APBB2: variants seen among roughly 807,000 people sequenced by gnomAD.
APBB2 encodes the protein Fe65-like 1.
In APBB2, 38 loss-of-function variants were observed where a neutral mutation model predicts 82.5. The ratio of observed to expected loss-of-function variants is 0.46; its 90% CI spans 0.36 to 0.60. The LOEUF (loss-of-function observed/expected upper bound fraction) is 0.60, where lower values mean the gene tolerates loss of function less well. Ranked by LOEUF, APBB2 falls within the 20% of genes least tolerant of loss-of-function variation. The pLI is 0.00. For missense variants in APBB2, 772 were observed against 972.3 expected (o/e 0.79, Z 2.74); for synonymous variants, 341 against 368.2 (o/e 0.93, Z 0.85).
At chr4:41,149,890 A>G (rs1215886080) in intron 1 of APBB2, among the ~76,000 whole-genome samples, 2 of 152,172 alleles carry the variant, frequency 1.3e-5, no homozygotes, top group African/African-American at 4.8e-5. Context: ...GACACCATGT[A>G]AGACGTGCCT....
chr4:40,816,990 C>A (rs1745944978), intron 17 of APBB2, among the ~76,000 whole-genome samples: 2 of 152,152 alleles, frequency 1.3e-5, no homozygotes, highest in Non-Finnish European at 1.5e-5. Context: ...AATTCCTGTT[C>A]TTCAGAAATA....
chr4:40,972,732 T>A (rs6825702), intron 6 of APBB2, among the ~76,000 whole-genome samples: 63,288 of 152,026 alleles, frequency 0.42, 13,652 homozygotes, highest in East Asian at 0.71. Context: ...AGTTACATTG[T>A]GTGTCATGAG....
intron 6 of APBB2, among the ~76,000 whole-genome samples, chr4:40,982,293 G>GAAAGAAAGAAAGAAAGAAA (rs1798917086): frequency 1.2e-4 from 4 of 32,352 alleles, no homozygotes; most frequent in African/African-American, 7.7e-4. Flanking sequence ...AAGGAAGGAA[G>GAAAGAAAGAAAGAAAGAAA]GAAGGAAGGA....
chr4:40,857,150 C>G, intron 12 of APBB2: 3 of 985,478 alleles, frequency 3.0e-6, no homozygotes, highest in Non-Finnish European at 3.6e-6. Flanking sequence ...GCCCCGGGCT[C>G]AAGTTGAAGA....
At chr4:41,054,244 C>T (rs1235387672) in intron 4 of APBB2, among the ~76,000 whole-genome samples, 2 of 152,210 alleles carry the variant, frequency 1.3e-5, no homozygotes, top group Non-Finnish European at 2.9e-5. Flanking sequence ...GCTCAGTTGT[C>T]AGGCTTTATA....
At chr4:40,881,695 G>A (rs1279033175) in intron 12 of APBB2, among the ~76,000 whole-genome samples, 1 of 151,476 alleles carries the variant, frequency 6.6e-6, no homozygotes, top group Non-Finnish European at 1.5e-5. Context: ...TATCACACCT[G>A]GCTAATTTTT....
At chr4:40,989,272 C>G (rs10032604) in intron 6 of APBB2, among the ~76,000 whole-genome samples, 140,077 of 152,156 alleles carry the variant, frequency 0.92, 65,315 homozygotes, top group Non-Finnish European at 1. Flanking sequence ...CAGAGAGAAT[C>G]GTTTTCCCCC....
intron 12 of APBB2, among the ~76,000 whole-genome samples, chr4:40,844,912 G>A (rs997953041): frequency 6.6e-6 from 1 of 152,178 alleles, no homozygotes; most frequent in Non-Finnish European, 1.5e-5. Context: ...TCTGTAGTGT[G>A]TGACAAAAAC....
At chr4:40,844,134 G>T (rs1034974185) in intron 12 of APBB2, among the ~76,000 whole-genome samples, 1 of 151,880 alleles carries the variant, frequency 6.6e-6, no homozygotes, top group Admixed American at 6.6e-5. Flanking sequence ...AGGATCTTTG[G>T]GCTGAAGAGG....
chr4:40,851,660 A>C (rs1577960395), intron 12 of APBB2, among the ~76,000 whole-genome samples: 2 of 149,970 alleles, frequency 1.3e-5, no homozygotes, highest in East Asian at 3.9e-4. Flanking sequence ...AGCTCAAGTC[A>C]CTCCTGCCCT....
intron 6 of APBB2, among the ~76,000 whole-genome samples, chr4:40,990,898 G>A (rs548864744): frequency 1.2e-4 from 19 of 152,094 alleles, no homozygotes; most frequent in Non-Finnish European, 2.6e-4. Flanking sequence ...GCTCTATGGA[G>A]GCAAATGGAG....
intron 6 of APBB2, among the ~76,000 whole-genome samples, chr4:40,947,414 T>A (rs543761899): frequency 1.8e-4 from 28 of 152,340 alleles, no homozygotes; most frequent in African/African-American, 6.5e-4. Flanking sequence ...GAAGAATAGC[T>A]ACATACATTA....
At chr4:40,916,988 T>C (rs1236127119) in intron 10 of APBB2, among the ~76,000 whole-genome samples, 1 of 152,200 alleles carries the variant, frequency 6.6e-6, no homozygotes, top group Non-Finnish European at 1.5e-5. Context: ...TGGGCTCTGC[T>C]GCACCGCAGA....
chr4:40,855,262 AAAGG>A (rs758010096), intron 12 of APBB2, among the ~76,000 whole-genome samples: 48 of 152,264 alleles, frequency 3.2e-4, no homozygotes, highest in Non-Finnish European at 6.3e-4. Context: ...GAGCTCCAAG[AAAGG>A]AAGAAGACAC....
chr4:40,812,067 C>G lies in APBB2; in HGVS notation c.*4025G>C, dbSNP rs1172674219. On this transcript the variant is annotated 3_prime_UTR_variant, in exon 18 of 18. Transcript: ENST00000508593. Reference sequence around the variant, plus strand: ...TAAATAGGCTTCTATGTCCGGAAGGCCAGCTGGCCTTCCTGATCACCAAAT... The same window carrying G: ...TAAATAGGCTTCTATGTCCGGAAGGGCAGCTGGCCTTCCTGATCACCAAAT... The G allele has an allele frequency of 6.6e-6, 1 of 152,114 alleles. No individual in the cohort carries two copies. Among genetic ancestry groups the G allele is most frequent in the Non-Finnish European group, 1.5e-5 (1 of 68,014 alleles). The allele number at this position is 152,114 out of a possible 1,614,324, so 9.4% of individuals were successfully genotyped here.
At chr4:40,827,354 C>T in intron 13 of APBB2, 135 bp from the exon 14 acceptor site, 1 of 661,484 alleles carries the variant, frequency 1.5e-6, no homozygotes, top group East Asian at 2.8e-5. Context: ...AAGTCCCACC[C>T]CTGCATCTCT....
chr4:41,173,396 C>T (rs116374273), intron 1 of APBB2, among the ~76,000 whole-genome samples: 6 of 152,244 alleles, frequency 3.9e-5, no homozygotes, highest in African/African-American at 9.6e-5. Flanking sequence ...GAACCAAATA[C>T]GGAGATTTCT....
At chr4:40,844,699 T>G in intron 12 of APBB2, among the ~76,000 whole-genome samples, 1 of 152,230 alleles carries the variant, frequency 6.6e-6, no homozygotes, top group Non-Finnish European at 1.5e-5. Context: ...GAGACCTGGA[T>G]GCTGGTCCCA....
chr4:41,150,629 GC>G (rs1157724774), intron 1 of APBB2, among the ~76,000 whole-genome samples: 1 of 152,274 alleles, frequency 6.6e-6, no homozygotes, highest in East Asian at 1.9e-4. Context: ...CGAAGGCTTT[GC>G]AATTTTCATT....
Sources: gnomAD v4.1 joint callset for allele counts (sites outside exome capture counted in the v4.1 genomes callset) on GRCh38, gnomAD v4.1.1 for gene constraint, MANE v1.5 for transcripts, NCBI Gene and HGNC (gene_info 2026-07-23, HGNC 2026-07-21) for gene names.